Variants in SWAP70 observed in about 807,000 individuals in gnomAD.
The protein encoded by SWAP70 is switch-associated protein 70.
In SWAP70, 34 loss-of-function variants were observed where a neutral mutation model predicts 80.2. That is an observed-to-expected ratio of 0.42 (90% CI 0.32 to 0.56). The LOEUF is 0.56. Among genes scored for constraint, SWAP70 ranks in the 20% least tolerant of loss-of-function variants. The pLI is 0.09. For missense variants in SWAP70, 578 were observed against 690.7 expected (o/e 0.84, Z 1.83); for synonymous variants, 239 against 238.5 (o/e 1.00, Z -0.02).
chr11:9,699,583 A>C (rs1850805501), intron 2 of SWAP70, among the ~76,000 whole-genome samples: 2 of 152,162 alleles, frequency 1.3e-5, no homozygotes, highest in Admixed American at 6.6e-5. Flanking sequence ...GGTTGGGCAC[A>C]GTGGCTCATG....
intron 2 of SWAP70, among the ~76,000 whole-genome samples, chr11:9,702,417 T>A (rs1046372742): frequency 5.3e-5 from 8 of 152,154 alleles, no homozygotes; most frequent in African/African-American, 1.9e-4. Flanking sequence ...TTTTGTTTTT[T>A]TTTTTGTTTT....
At chr11:9,714,428 A>T (rs1851038901) in intron 3 of SWAP70, among the ~76,000 whole-genome samples, 2 of 152,354 alleles carry the variant, frequency 1.3e-5, no homozygotes, top group South Asian at 4.1e-4. Context: ...TGCCTGGCAC[A>T]TAGTATGTAC....
intron 1 of SWAP70, among the ~76,000 whole-genome samples, chr11:9,670,369 T>C (rs1850360648): frequency 6.6e-6 from 1 of 152,122 alleles, no homozygotes; most frequent in Non-Finnish European, 1.5e-5. Flanking sequence ...TAGAAGTGGG[T>C]TTTAAAAGAA....
At chr11:9,676,466 C>G (rs1172480662) in intron 1 of SWAP70, among the ~76,000 whole-genome samples, 1 of 152,090 alleles carries the variant, frequency 6.6e-6, no homozygotes, top group Non-Finnish European at 1.5e-5. Context: ...GCTCAAGACT[C>G]TTATATAAAA....
At chr11:9,725,569 A>ATATATATATATTTT (rs1554892086) in intron 4 of SWAP70, among the ~76,000 whole-genome samples, 1 of 26,616 alleles carries the variant, frequency 3.8e-5, no homozygotes, top group African/African-American at 1.6e-4. Context: ...ATATATATAT[A>ATATATATATATTTT]TTTTTTTTTT....
In SWAP70 at chr11:9,750,339, TCAAAA is replaced by T. The variant is rs10573564; in HGVS notation, c.*395_*399del. On this transcript the variant is annotated 3_prime_UTR_variant, in exon 12 of 12. Coordinates refer to ENST00000318950, the MANE Select transcript of SWAP70 (RefSeq NM_015055.4). ...TTGGGCAACAGAGTGAGACTCCATC[TCAAAA>T]CAAAACAAAACAAAACAAAACAAAA... 13,202 of 162,218 alleles carry T rather than the reference TCAAAA, an allele frequency of 0.081. 1,406 individuals carry two copies. Among genetic ancestry groups the T allele is most frequent in the East Asian group, 0.26 (1,454 of 5,590 alleles). The allele number at this position is 162,218 out of a possible 1,614,324, so 10.0% of individuals were successfully genotyped here.
At chr11:9,713,019 A>G (rs1327962089) in intron 2 of SWAP70, among the ~76,000 whole-genome samples, 1 of 152,190 alleles carries the variant, frequency 6.6e-6, no homozygotes, top group African/African-American at 2.4e-5. Context: ...GTGTATGTAA[A>G]GATAATGTAC....
intron 4 of SWAP70, among the ~76,000 whole-genome samples, chr11:9,725,791 C>T (rs893747813): frequency 6.6e-6 from 1 of 151,622 alleles, no homozygotes; most frequent in Non-Finnish European, 1.5e-5. Context: ...AGGACGGTCT[C>T]GATCTTTTGA....
At chr11:9,713,360 T>C in intron 2 of SWAP70, 106 bp from the exon 3 acceptor site, 6 of 1,151,140 alleles carry the variant, frequency 5.2e-6, no homozygotes, top group Non-Finnish European at 7.2e-6. Context: ...GTTAATTGGA[T>C]TGATTAAAAT....
rs77236362 is a variant in SWAP70, at chr11:9,739,735, G to A, written c.1189-446G>A. Among the ~76,000 whole-genome samples, 658 of 152,318 alleles carry A rather than the reference G, an allele frequency of 4.3e-3. 7 individuals carry two copies. The highest frequency in any genetic ancestry group is 0.015 in the African/African-American group (630 of 41,584). ...GTGTGGGAGGAATCCCATGCTGGATGACCTTTCCTTCTTCTTTAGTGTAAC... is the reference window on the plus strand; with the variant it reads ...GTGTGGGAGGAATCCCATGCTGGATAACCTTTCCTTCTTCTTTAGTGTAAC... On this transcript the variant is annotated intron_variant, in intron 8 of 11. Transcript: ENST00000318950.
In SWAP70 at chr11:9,750,232, T is replaced by C. The variant is rs752052926; in HGVS notation, c.*262T>C. The C allele has an allele frequency of 7.1e-5, 17 of 239,352 alleles. No individual in the cohort carries two copies. Among genetic ancestry groups the C allele is most frequent in the Non-Finnish European group, 1.3e-4 (15 of 117,798 alleles). 14.8% of individuals were successfully genotyped at this position (239,352 alleles called of 1,614,324 possible). On this transcript the variant is annotated 3_prime_UTR_variant, in exon 12 of 12. Transcript: ENST00000318950. ...GGCGGGCGCCTGTAATCCCAGCTAC[T>C]TGGGAGGCTGAGGCAGGAGAATCAC...
intron 2 of SWAP70, among the ~76,000 whole-genome samples, chr11:9,710,676 C>CA (rs1223470231): frequency 2.1e-5 from 3 of 144,280 alleles, no homozygotes; most frequent in Admixed American, 6.9e-5. Flanking sequence ...TTTTAATTTT[C>CA]AAAAAAAATT....
intron 1 of SWAP70, among the ~76,000 whole-genome samples, chr11:9,682,722 G>A (rs1411497022): frequency 6.6e-6 from 1 of 151,608 alleles, no homozygotes; most frequent in Non-Finnish European, 1.5e-5. Flanking sequence ...TGTTGCCCAC[G>A]CAGGAGTGCA....
intron 7 of SWAP70, among the ~76,000 whole-genome samples, chr11:9,733,611 T>TA (rs1345321223): frequency 5.3e-5 from 8 of 152,218 alleles, no homozygotes; most frequent in Non-Finnish European, 7.3e-5. Flanking sequence ...ATCACACACT[T>TA]ACTTTCTAAA....
chr11:9,673,159 C>T (rs1850441828), intron 1 of SWAP70, among the ~76,000 whole-genome samples: 1 of 152,302 alleles, frequency 6.6e-6, no homozygotes, highest in East Asian at 1.9e-4. Flanking sequence ...TCCCACAAGA[C>T]GGTCCTCCTC....
chr11:9,702,749 A>G (rs1237334375), intron 2 of SWAP70, among the ~76,000 whole-genome samples: 3 of 152,238 alleles, frequency 2.0e-5, no homozygotes, highest in Admixed American at 1.3e-4. Flanking sequence ...ATTTGGTGCA[A>G]TGACTAAGTT....
At chr11:9,732,779 G>A (rs1443444869) in intron 7 of SWAP70, 69 bp downstream of exon 7, 3 of 1,418,122 alleles carry the variant, frequency 2.1e-6, no homozygotes, top group South Asian at 2.9e-5. Context: ...CCTTGCTTAG[G>A]GGTGTTGGTT....
At chr11:9,716,308 G>C (rs911606148) in intron 3 of SWAP70, among the ~76,000 whole-genome samples, 3 of 152,134 alleles carry the variant, frequency 2.0e-5, no homozygotes, top group Non-Finnish European at 4.4e-5. Flanking sequence ...GGAAAAGAAG[G>C]CCAGATGGGA....
intron 2 of SWAP70, among the ~76,000 whole-genome samples, chr11:9,707,699 G>A (rs971708161): frequency 6.6e-6 from 1 of 151,586 alleles, no homozygotes; most frequent in African/African-American, 2.4e-5. Flanking sequence ...GGGATTACAG[G>A]TGCCTGCCAC....
Sources: gnomAD v4.1 joint callset for allele counts (sites outside exome capture counted in the v4.1 genomes callset) on GRCh38, gnomAD v4.1.1 for gene constraint, MANE v1.5 for transcripts, NCBI Gene and HGNC (gene_info 2026-07-23, HGNC 2026-07-21) for gene names.